The following TENM4 variants were observed in gnomAD, a reference collection of about 807,000 sequenced individuals.
TENM4 encodes the protein teneurin-4.
In TENM4, 82 loss-of-function variants were observed where a neutral mutation model predicts 243.3. That is an observed-to-expected ratio of 0.34 (90% confidence interval 0.28 to 0.40). The LOEUF is 0.40. TENM4 is among the 10% of genes least tolerant of loss of function. The pLI, the probability that TENM4 is intolerant of heterozygous loss-of-function variation, is 1.00. For synonymous variants in TENM4, 1,412 were observed against 1,456.3 expected, an observed-to-expected ratio of 0.97 and a Z score of 0.69; for missense variants, 3,138 against 3,673.3, an observed-to-expected ratio of 0.85 and a Z score of 3.77.
At chr11:78,924,482 T>C (rs1856514749) in intron 6 of TENM4, 1 of 152,230 alleles carries the variant, frequency 6.6e-6, no homozygotes, top group Non-Finnish European at 1.5e-5. Context: ...TTATAATAAA[T>C]CTTGATTCTA....
At chr11:79,160,302 A>G (rs1001497749) in intron 3 of TENM4, among the ~76,000 whole-genome samples, 5 of 152,170 alleles carry the variant, frequency 3.3e-5, no homozygotes, top group African/African-American at 1.2e-4. Context: ...TACTGTTTTG[A>G]CTTTCACCCT....
chr11:78,699,280 G>A (rs371943110), intron 28 of TENM4, among the ~76,000 whole-genome samples: 6 of 152,180 alleles, frequency 3.9e-5, no homozygotes, highest in South Asian at 4.2e-4. Context: ...CATCCCTATC[G>A]TACAGATAAG....
chr11:78,712,566 T>A lies in TENM4; in HGVS notation c.3970A>T (p.Thr1324Ser). The A allele has an allele frequency of 6.2e-7, 1 of 1,613,978 alleles. No homozygotes were observed. The highest frequency in any genetic ancestry group is 1.3e-5 in the African/African-American group (1 of 75,028). The change falls in exon 26 of 34, where the codon ACA becomes TCA. Residue 1324 changes from threonine (T) to serine (S), a missense_variant. Around this residue, in one of 2 missense-constraint regions of TENM4, gnomAD observed 2,467 missense variants for 3,059.1 expected, o/e 0.81. Transcript: ENST00000278550. ...LVKNSEVVAG[T>S]GDQCLPFDDT... The stretch of plus-strand genomic sequence containing the variant: ...TCAAAGGGGAGGCACTGGTCACCTG[T>A]CCCCGCAACCACCTCAGAGTTCTTG...
intron 12 of TENM4, among the ~76,000 whole-genome samples, chr11:78,851,355 A>G (rs1858533932): frequency 6.6e-6 from 1 of 152,214 alleles, no homozygotes; most frequent in Non-Finnish European, 1.5e-5. Context: ...TGGCAGAACC[A>G]AAGGGAAAAG....
chr11:79,389,112 C>T (rs12277834), intron 1 of TENM4, among the ~76,000 whole-genome samples: 13,095 of 152,142 alleles, frequency 0.086, 593 homozygotes, highest in Non-Finnish European at 0.11. Context: ...TCAAATCATA[C>T]TGATATCTTG....
intron 6 of TENM4, among the ~76,000 whole-genome samples, chr11:78,921,556 C>A (rs1203603084): frequency 6.6e-6 from 1 of 152,218 alleles, no homozygotes; most frequent in Admixed American, 6.5e-5. Flanking sequence ...ATGAGCCTGA[C>A]TGTACAGCAT....
chr11:79,271,633 G>C (rs375462325), intron 2 of TENM4, among the ~76,000 whole-genome samples: 1 of 152,158 alleles, frequency 6.6e-6, no homozygotes, highest in Non-Finnish European at 1.5e-5. Context: ...GGCGGGGCTG[G>C]GTGGAGCCCA....
rs181708035 is a variant in TENM4 at position 78,857,185 on chromosome 11, A to T, written c.1256-1007T>A. ...AGGAAGACCACCCTTAGCACACTGA[A>T]AGACCAGCATCAAGTCAACAGGCTG... On this transcript the variant is annotated intron_variant, in intron 10 of 33. Transcript: ENST00000278550. Among the ~76,000 whole-genome samples the T allele has an allele frequency of 2.6e-5, 4 of 152,304 alleles. No individual in the cohort carries two copies. In the East Asian group the frequency reaches 7.7e-4, roughly 29 times the overall value.
At chr11:79,334,510 C>A (rs543473176) in intron 1 of TENM4, among the ~76,000 whole-genome samples, 1 of 152,334 alleles carries the variant, frequency 6.6e-6, no homozygotes, top group African/African-American at 2.4e-5. Context: ...CTTTCCATGG[C>A]TGCCCAGCAC....
intron 5 of TENM4, among the ~76,000 whole-genome samples, chr11:79,069,132 A>G (rs748307267): frequency 1.8e-4 from 27 of 152,184 alleles, no homozygotes; most frequent in Non-Finnish European, 3.2e-4. Flanking sequence ...TACTGTAGGT[A>G]GAAAGTGCAG....
At chr11:79,343,068 G>A (rs1271619838) in intron 1 of TENM4, among the ~76,000 whole-genome samples, 1 of 152,226 alleles carries the variant, frequency 6.6e-6, no homozygotes, top group Non-Finnish European at 1.5e-5. Context: ...GGCACACGCA[G>A]CTCACCCTGA....
chr11:79,432,693 T>C (rs1164718290), intron 1 of TENM4, among the ~76,000 whole-genome samples: 2 of 152,220 alleles, frequency 1.3e-5, no homozygotes, highest in Non-Finnish European at 2.9e-5. Context: ...GCTTGCATGA[T>C]AATGATGCAA....
intron 4 of TENM4, among the ~76,000 whole-genome samples, chr11:79,115,185 A>G (rs1861592737): frequency 6.6e-6 from 1 of 152,194 alleles, no homozygotes; most frequent in African/African-American, 2.4e-5. Flanking sequence ...GATGACGGAA[A>G]CTTGGAAAAT....
chr11:79,034,210 T>G (rs112290638), intron 6 of TENM4, among the ~76,000 whole-genome samples: 330 of 152,370 alleles, frequency 2.2e-3, no homozygotes, highest in African/African-American at 7.7e-3. Context: ...GAAGGCTCAA[T>G]TTCAAAGAAG....
intron 6 of TENM4, among the ~76,000 whole-genome samples, chr11:79,007,019 G>C (rs1490356356): frequency 6.6e-6 from 1 of 152,182 alleles, no homozygotes; most frequent in African/African-American, 2.4e-5. Context: ...CCCCAAAGAA[G>C]AGGAAACCCT....
At chr11:79,020,735 G>A (rs1385903435) in intron 6 of TENM4, among the ~76,000 whole-genome samples, 1 of 152,152 alleles carries the variant, frequency 6.6e-6, no homozygotes, top group African/African-American at 2.4e-5. Flanking sequence ...ATGGGGAAAG[G>A]TGTTTCCTAG....
At chr11:79,328,345 C>T (rs909517498) in intron 1 of TENM4, among the ~76,000 whole-genome samples, 1 of 152,172 alleles carries the variant, frequency 6.6e-6, no homozygotes, top group Non-Finnish European at 1.5e-5. Flanking sequence ...TAACATTGTT[C>T]TTCTTCCTTC....
At chr11:79,132,004 T>C (rs868017130) in intron 4 of TENM4, among the ~76,000 whole-genome samples, 2 of 152,042 alleles carry the variant, frequency 1.3e-5, no homozygotes, top group African/African-American at 2.4e-5. Flanking sequence ...TAAACATATA[T>C]GCACCTAGCA....
chr11:78,658,743 A>C lies in TENM4; in HGVS notation c.7625T>G (p.Leu2542Arg). The C allele has an allele frequency of 6.2e-7, 1 of 1,614,006 alleles. No individual in the cohort carries two copies. Among genetic ancestry groups the C allele is most frequent in the South Asian group, 1.1e-5 (1 of 91,082 alleles). The change falls in exon 34 of 34, where the codon CTC becomes CGC. Residue 2542 changes from leucine (L) to arginine (R), a missense_variant. Leu to Arg is a moderately radical substitution (Grantham distance 102, BLOSUM62 -2). This residue lies in a region of TENM4 where 2,467 missense variants were observed against 3,059.1 expected (regional missense o/e 0.81). Coordinates refer to ENST00000278550, the MANE Select transcript of TENM4 (RefSeq NM_001098816.3). ...GCAGCTGGTGATTGTGGAGCCATAGAGCTGGTCAAACCGTTCTAAGGTGAC... is the reference window on the plus strand; with the variant it reads ...GCAGCTGGTGATTGTGGAGCCATAGCGCTGGTCAAACCGTTCTAAGGTGAC... ...AFVTLERFDQ[L>R]YGSTITSCQQ...
Sources: allele counts gnomAD v4.1 joint callset (sites outside exome capture counted in the v4.1 genomes callset), GRCh38; gene constraint gnomAD v4.1.1; regional missense constraint gnomAD v4.1.1; transcripts MANE v1.5; gene names NCBI Gene and HGNC (gene_info 2026-07-23, HGNC 2026-07-21).